GTF2IRD1: variants seen among roughly 807,000 people sequenced by gnomAD.
GTF2IRD1 encodes GTF2I repeat domain containing 1.
A neutral mutation model predicts 113.2 loss-of-function variants in GTF2IRD1; 26 were observed. The ratio of observed to expected loss-of-function variants is 0.23; its 90% CI spans 0.17 to 0.32. The LOEUF is 0.32. Ranked by LOEUF, GTF2IRD1 falls within the 10% of genes least tolerant of loss-of-function variation. The pLI is 1.00. For synonymous variants in GTF2IRD1, 484 were observed against 529.1 expected, an observed-to-expected ratio of 0.91 and a Z score of 1.17; for missense variants, 864 against 1,280.8, an observed-to-expected ratio of 0.67 and a Z score of 4.97.
intron 16 of GTF2IRD1, 36 bp from the exon 17 acceptor site, chr7:74,547,067 G>C: frequency 6.3e-7 from 1 of 1,589,878 alleles, no homozygotes. Context: ...TGGCCCTGTG[G>C]CACCGGGTGG....
intron 19 of GTF2IRD1, among the ~76,000 whole-genome samples, chr7:74,557,254 A>G (rs1799654942): frequency 6.6e-6 from 1 of 152,150 alleles, no homozygotes; most frequent in African/African-American, 2.4e-5. Flanking sequence ...CTGCTAGATC[A>G]GCTGGGCTTC....
chr7:74,471,226 G>C (rs781805606), intron 1 of GTF2IRD1, among the ~76,000 whole-genome samples: 14 of 152,142 alleles, frequency 9.2e-5, no homozygotes, highest in Non-Finnish European at 1.5e-4. Context: ...GCAGTCACCT[G>C]ACTGTTTGCA....
chr7:74,545,850 C>T (rs1430602015), intron 16 of GTF2IRD1, 41 bp downstream of exon 16: 1 of 1,458,154 alleles, frequency 6.9e-7, no homozygotes, highest in Non-Finnish European at 9.6e-7. Flanking sequence ...CATCCCGGCC[C>T]CCCTCCAGCC....
chr7:74,590,562 T>C (rs1221246564), intron 23 of GTF2IRD1, among the ~76,000 whole-genome samples: 1 of 152,006 alleles, frequency 6.6e-6, no homozygotes, highest in Non-Finnish European at 1.5e-5. Context: ...CTAATTTTTT[T>C]GTATTTTTTT....
chr7:74,473,916 G>A lies in GTF2IRD1; in HGVS notation c.-7+19740G>A, dbSNP rs529048449. Among the ~76,000 whole-genome samples, 262 of 151,912 alleles carry A rather than the reference G, an allele frequency of 1.7e-3. 4 individuals are homozygous for A. Among genetic ancestry groups the A allele is most frequent in the Non-Finnish European group, 6.2e-4 (42 of 67,946 alleles). ...AGCCTGACCAACTTGATGAAACCCC[G>A]TCTGTACTAAAAATACAAAAATTAA... On this transcript the variant is annotated intron_variant, in intron 1 of 26. Transcript: ENST00000424337.
intron 7 of GTF2IRD1, 53 bp downstream of exon 7, chr7:74,521,350 G>T: frequency 9.4e-7 from 1 of 1,062,538 alleles, no homozygotes. Context: ...TGAGGTTGGA[G>T]GTGGTGCTTA....
At chr7:74,491,999 GTT>G (rs566397290) in intron 1 of GTF2IRD1, among the ~76,000 whole-genome samples, 3 of 109,920 alleles carry the variant, frequency 2.7e-5, no homozygotes, top group African/African-American at 1.3e-4. Context: ...TTGTTCGTTT[GTT>G]TTTGTTTTTG....
intron 3 of GTF2IRD1, among the ~76,000 whole-genome samples, chr7:74,513,592 G>A (rs782657161): frequency 2.6e-5 from 4 of 152,106 alleles, no homozygotes; most frequent in African/African-American, 4.8e-5. Flanking sequence ...GATGTGAGCC[G>A]CCATGCCTGG....
intron 17 of GTF2IRD1, among the ~76,000 whole-genome samples, chr7:74,548,051 C>G (rs190514248): frequency 6.6e-6 from 1 of 152,118 alleles, no homozygotes; most frequent in East Asian, 1.9e-4. Context: ...TTTCCTTGAG[C>G]GTGTTGTGTT....
chr7:74,454,410 GGGA>G (rs879995243), intron 1 of GTF2IRD1, among the ~76,000 whole-genome samples: 40 of 151,864 alleles, frequency 2.6e-4, no homozygotes, highest in Non-Finnish European at 4.7e-4. Context: ...GGGAGGGGCC[GGGA>G]GCTGGGAGCT....
chr7:74,582,215 C>T (rs1464463187), intron 22 of GTF2IRD1, among the ~76,000 whole-genome samples: 1 of 152,192 alleles, frequency 6.6e-6, no homozygotes, highest in Non-Finnish European at 1.5e-5. Flanking sequence ...GTTGCCCTTT[C>T]CCCTGCAGGG....
rs1554368887 is a variant in GTF2IRD1, at chr7:74,589,857, A to G, written c.2327A>G (p.Asp776Gly). The change falls in exon 23 of 27, where the codon GAT becomes GGT. Residue 776 changes from aspartate (D) to glycine (G), a missense_variant. By Grantham distance (94) the Asp-to-Gly change is moderately conservative (BLOSUM62 -1). Transcript: ENST00000424337. ...CCTTGTCTTCCTCTTGTAGATGAAG[A>G]TGACGCCAACAGACTCGGGGAGAAG... ...FQGLIPKPDE[D>G]DANRLGEKVI... is the part of the protein sequence containing the mutation. 1.9e-6 allele frequency: 3 copies of G among 1,608,848 alleles called. No homozygotes were observed. The highest frequency in any genetic ancestry group is 2.6e-6 in the Non-Finnish European group (3 of 1,175,412).
At chr7:74,566,885 C>T (rs1554360842) in intron 22 of GTF2IRD1, among the ~76,000 whole-genome samples, 1 of 152,172 alleles carries the variant, frequency 6.6e-6, no homozygotes, top group East Asian at 1.9e-4. Flanking sequence ...GTTGCAGCCA[C>T]GCCCTCTTTC....
intron 11 of GTF2IRD1, among the ~76,000 whole-genome samples, chr7:74,537,560 G>T (rs782323965): frequency 7.9e-5 from 12 of 152,044 alleles, no homozygotes; most frequent in Non-Finnish European, 1.5e-4. Context: ...ACCAGACCCT[G>T]CCCCCAGCAC....
intron 1 of GTF2IRD1, among the ~76,000 whole-genome samples, chr7:74,495,811 CTG>C (rs1342575246): frequency 6.6e-6 from 1 of 152,214 alleles, no homozygotes; most frequent in East Asian, 1.9e-4. Flanking sequence ...GGCCTGCAGA[CTG>C]GAGTGTGGGG....
At chr7:74,494,154 C>T (rs1795518723) in intron 1 of GTF2IRD1, among the ~76,000 whole-genome samples, 1 of 152,226 alleles carries the variant, frequency 6.6e-6, no homozygotes, top group Non-Finnish European at 1.5e-5. Flanking sequence ...ATGGGTCTTA[C>T]TCAATCTCTC....
Position 74,512,839 on chromosome 7 carries a change from C to T in GTF2IRD1, c.133C>T (p.Leu45=). The change falls in exon 3 of 27, where the codon CTG becomes TTG. Residue 45 remains leucine (L), a synonymous_variant. Coordinates refer to ENST00000424337, the MANE Select transcript of GTF2IRD1 (RefSeq NM_005685.4). The surrounding 1 kb of genome is among the most constrained non-coding windows in gnomAD (Gnocchi z 4.4). ...VSALDSMCSA[L]SKLNAEVACV... is the part of the protein sequence containing the mutation. Reference sequence around the variant, plus strand: ...CCTGCCCTTCCCACAGTGCTCAGCGCTGTCCAAACTGAACGCCGAGGTGGC... The same window carrying T: ...CCTGCCCTTCCCACAGTGCTCAGCGTTGTCCAAACTGAACGCCGAGGTGGC... The T allele has an allele frequency of 3.1e-6, 5 of 1,614,018 alleles. No homozygotes were observed. Among genetic ancestry groups the T allele is most frequent in the Non-Finnish European group, 4.2e-6 (5 of 1,179,974 alleles).
intron 22 of GTF2IRD1, chr7:74,572,582 C>A: frequency 1.0e-6 from 1 of 982,764 alleles, no homozygotes; most frequent in Non-Finnish European, 1.2e-6. Flanking sequence ...CCATGATCCT[C>A]CCTTCTGCTG....
intron 22 of GTF2IRD1, among the ~76,000 whole-genome samples, chr7:74,573,436 CAG>C (rs1207875312): frequency 6.6e-6 from 1 of 151,448 alleles, no homozygotes; most frequent in Non-Finnish European, 1.5e-5. Flanking sequence ...TTAAAATAGA[CAG>C]GGGCTTTCCG....
Sources: allele counts gnomAD v4.1 joint callset (sites outside exome capture counted in the v4.1 genomes callset), GRCh38; gene constraint gnomAD v4.1.1; non-coding constraint Gnocchi (gnomAD v3.1); transcripts MANE v1.5; gene names NCBI Gene and HGNC (gene_info 2026-07-23, HGNC 2026-07-21).